MTF2: variants seen among roughly 807,000 people sequenced by gnomAD.
MTF2 encodes metal response element binding transcription factor 2, also known as metal-response element-binding transcription factor 2.
In MTF2, 11 loss-of-function variants were observed where a neutral mutation model predicts 79.5. That is an observed-to-expected ratio of 0.14 (90% CI 0.09 to 0.23). The LOEUF is 0.23. MTF2 is among the 10% of genes least tolerant of loss of function. The pLI is 1.00. For missense variants in MTF2, 486 were observed against 711.2 expected (o/e 0.68, Z 3.60); for synonymous variants, 208 against 232.8 (o/e 0.89, Z 0.97).
intron 14 of MTF2, among the ~76,000 whole-genome samples, chr1:93,135,760 A>C (rs961529974): frequency 6.6e-6 from 1 of 152,224 alleles, no homozygotes; most frequent in Admixed American, 6.5e-5. Flanking sequence ...CCTGTGAGCC[A>C]TGATTGTGCC....
intron 10 of MTF2, among the ~76,000 whole-genome samples, chr1:93,128,200 C>T (rs1044645618): frequency 6.6e-6 from 1 of 152,006 alleles, no homozygotes; most frequent in Admixed American, 6.6e-5. Context: ...TTTAGGGTAC[C>T]AGAAATATAT....
chr1:93,083,933 C>A (rs1291793738), intron 1 of MTF2, among the ~76,000 whole-genome samples: 3 of 152,062 alleles, frequency 2.0e-5, no homozygotes, highest in Admixed American at 1.3e-4. Context: ...TCTTTTTATT[C>A]TTGGATACAA....
At chr1:93,101,835 CCCAAAGAGCTGA>C (rs753076255) in intron 1 of MTF2, among the ~76,000 whole-genome samples, 15 of 152,020 alleles carry the variant, frequency 9.9e-5, no homozygotes, top group Non-Finnish European at 2.1e-4. Flanking sequence ...GCCTTGGCCT[CCCAAAGAGCTGA>C]AGTTACAGGT....
intron 1 of MTF2, among the ~76,000 whole-genome samples, chr1:93,101,856 G>A (rs1655560228): frequency 6.6e-6 from 1 of 152,144 alleles, no homozygotes; most frequent in South Asian, 2.1e-4. Context: ...GAAGTTACAG[G>A]TGTGAGCCAC....
rs2101104464 is a variant in MTF2, at chr1:93,137,086, C to A, written c.*59C>A. ...GATTTTCTGTAGGTACAGTTCAAAG[C>A]CCTAAAGGAGTCTGGCTTTTACTAT... On this transcript the variant is annotated 3_prime_UTR_variant, in exon 15 of 15. Transcript: ENST00000370298. The A allele has an allele frequency of 2.8e-6, 4 of 1,406,490 alleles. No individual in the cohort carries two copies. The highest frequency in any genetic ancestry group is 2.7e-5 in the South Asian group (2 of 73,838). 87.1% of individuals were successfully genotyped at this position (1,406,490 alleles called of 1,614,324 possible).
intron 1 of MTF2, among the ~76,000 whole-genome samples, chr1:93,089,820 G>GCCT (rs1172711730): frequency 6.7e-6 from 1 of 149,746 alleles, no homozygotes. Context: ...TCCTGTCTCA[G>GCCT]CCTCCCCAGT....
At chr1:93,103,219 A>G (rs1361763605) in intron 1 of MTF2, among the ~76,000 whole-genome samples, 1 of 151,624 alleles carries the variant, frequency 6.6e-6, no homozygotes, top group African/African-American at 2.4e-5. Flanking sequence ...TTCTATTATA[A>G]AAAGGAAAAA....
intron 11 of MTF2, among the ~76,000 whole-genome samples, chr1:93,130,912 A>G (rs1379333553): frequency 1.3e-5 from 2 of 152,062 alleles, no homozygotes; most frequent in South Asian, 2.1e-4. Context: ...CTTCTGTTTC[A>G]TATTCATTGA....
intron 9 of MTF2, chr1:93,121,494 T>C: frequency 1.0e-6 from 1 of 984,478 alleles, no homozygotes; most frequent in Non-Finnish European, 1.2e-6. Flanking sequence ...ATTTGAAGTT[T>C]AGGAAGAATT....
chr1:93,108,095 A>C (rs1425849209), intron 1 of MTF2, among the ~76,000 whole-genome samples: 2 of 152,222 alleles, frequency 1.3e-5, no homozygotes, highest in Non-Finnish European at 2.9e-5. Context: ...TCTTTGAAAC[A>C]GTTGAAACAG....
intron 6 of MTF2, among the ~76,000 whole-genome samples, chr1:93,116,463 C>G (rs1337353832): frequency 6.6e-6 from 1 of 150,592 alleles, no homozygotes; most frequent in Non-Finnish European, 1.5e-5. Flanking sequence ...AGACTTGTGA[C>G]TCTTCCTTTC....
chr1:93,113,338 C>T (rs1404002502), intron 3 of MTF2, among the ~76,000 whole-genome samples: 4 of 152,032 alleles, frequency 2.6e-5, no homozygotes, highest in African/African-American at 9.7e-5. Context: ...TGTGGCTGTG[C>T]CACTGCACTC....
Position 93,115,532 on chromosome 1 carries a change from A to C in MTF2, c.546A>C (p.Leu182Phe), listed in dbSNP as rs1026397659. 6.2e-7 allele frequency: 1 copy of C among 1,612,310 alleles called. No homozygotes were observed. The highest frequency in any genetic ancestry group is 8.5e-7 in the Non-Finnish European group (1 of 1,179,154). The change falls in exon 6 of 15, where the codon TTA (leucine) becomes TTC (phenylalanine). Residue 182 changes from leucine to phenylalanine, a missense_variant. Coordinates refer to ENST00000370298, the MANE Select transcript of MTF2 (RefSeq NM_007358.4). ...CATTGCAAGTCATGAAGCAGACATT[A>C]CCCTATAGTGTGGCAGACCTTGAAT... ...AKALQVMKQT[L>F]PYSVADLEWD...
At position 93,119,324 on chromosome 1, in the gene MTF2, T is replaced by C; in HGVS notation, c.729-9T>C. On this transcript the variant is annotated splice_polypyrimidine_tract_variant and intron_variant, in intron 7 of 14. Transcript: ENST00000370298. ...GTATAAAACTTTTTCTTTTTTTTTT[T>C]TTTCTTAGATTTTATACGTTTATAT... 1 of 1,558,324 alleles carries C rather than the reference T, an allele frequency of 6.4e-7. No homozygotes were observed. The highest frequency in any genetic ancestry group is 8.7e-7 in the Non-Finnish European group (1 of 1,154,136).
chr1:93,108,600 T>G (rs1257056808), intron 1 of MTF2, among the ~76,000 whole-genome samples: 1 of 150,556 alleles, frequency 6.6e-6, no homozygotes, highest in Non-Finnish European at 1.5e-5. Context: ...TCTTGTTGCT[T>G]TCAAGATTTT....
intron 1 of MTF2, among the ~76,000 whole-genome samples, chr1:93,095,373 T>C (rs1282178985): frequency 1.3e-5 from 2 of 152,098 alleles, no homozygotes; most frequent in Non-Finnish European, 2.9e-5. Context: ...GGAGTTTAGC[T>C]CTTGTCGCCG....
chr1:93,120,406 G>C, intron 8 of MTF2, 143 bp from the exon 9 acceptor site: 1 of 595,442 alleles, frequency 1.7e-6, no homozygotes, highest in Non-Finnish European at 2.6e-6. Context: ...ATTTTTATGT[G>C]TAGTGATTTA....
chr1:93,120,791 T>C, intron 9 of MTF2, 119 bp downstream of exon 9: 9 of 1,481,260 alleles, frequency 6.1e-6, no homozygotes, highest in Non-Finnish European at 2.7e-6. Context: ...AATTTTATTT[T>C]TAGTTCTGGG....
chr1:93,117,865 T>TAA (rs200062012), intron 6 of MTF2, among the ~76,000 whole-genome samples: 1 of 149,626 alleles, frequency 6.7e-6, no homozygotes, highest in East Asian at 2.0e-4. Context: ...CAGTTTTACT[T>TAA]AAAAAAAAAA....
Sources: allele counts gnomAD v4.1 joint callset (sites outside exome capture counted in the v4.1 genomes callset), GRCh38; gene constraint gnomAD v4.1.1; transcripts MANE v1.5; gene names NCBI Gene and HGNC (gene_info 2026-07-23, HGNC 2026-07-21).